Variants in TLN2 observed in about 807,000 individuals in gnomAD.
TLN2 encodes the protein talin 2.
TLN2 carries 118 observed loss-of-function variants against 294.7 expected under a neutral mutation model. The observed-to-expected ratio is 0.40, with a 90% confidence interval of 0.34 to 0.47. TLN2 has a LOEUF of 0.47. TLN2 is among the 20% of genes least tolerant of loss of function. The pLI is 0.84. For missense variants in TLN2, 3,083 were observed against 3,282.2 expected (o/e 0.94, Z 1.48); for synonymous variants, 1,431 against 1,304.5 (o/e 1.10, Z -2.09).
chr15:62,753,760 C>A lies in TLN2; in HGVS notation c.4333-13C>A. The stretch of plus-strand genomic sequence containing the variant: ...ACGGAGCCTGAGCTGTGGTTTTTCT[C>A]TTCCCTTTCTAGGCTGCATACTTGG... On this transcript the variant is annotated splice_polypyrimidine_tract_variant and intron_variant, in intron 35 of 58. Transcript: ENST00000636159. The A allele has an allele frequency of 6.3e-7, 1 of 1,594,254 alleles. No individual in the cohort carries two copies. The highest frequency in any genetic ancestry group is 1.1e-5 in the South Asian group (1 of 88,202).
chr15:62,430,686 C>G (rs1221275721), intron 1 of TLN2, among the ~76,000 whole-genome samples: 1 of 152,126 alleles, frequency 6.6e-6, no homozygotes, highest in Non-Finnish European at 1.5e-5. Flanking sequence ...TACTGGTACC[C>G]TGCATTGTGC....
At chr15:62,541,287 C>T (rs1413873895) in intron 1 of TLN2, among the ~76,000 whole-genome samples, 4 of 152,076 alleles carry the variant, frequency 2.6e-5, no homozygotes, top group Non-Finnish European at 5.9e-5. Context: ...AATGAGGTAA[C>T]ACAAGTAAAT....
At chr15:62,499,733 A>G (rs2140426737) in intron 1 of TLN2, among the ~76,000 whole-genome samples, 1 of 152,024 alleles carries the variant, frequency 6.6e-6, no homozygotes, top group African/African-American at 2.4e-5. Context: ...TCCCGAGAGT[A>G]GCTGAGATTA....
At chr15:62,595,051 C>T (rs1437818015) in intron 2 of TLN2, among the ~76,000 whole-genome samples, 1 of 152,196 alleles carries the variant, frequency 6.6e-6, no homozygotes, top group Non-Finnish European at 1.5e-5. Context: ...TACTCAACAT[C>T]ACTAATCATC....
chr15:62,664,857 CAAAAAAAA>C (rs10634187), intron 9 of TLN2, among the ~76,000 whole-genome samples: 2 of 29,212 alleles, frequency 6.8e-5, no homozygotes, highest in Non-Finnish European at 1.2e-4. Context: ...GAAACTGTCT[CAAAAAAAA>C]AAAAAAAAAA....
At chr15:62,655,884 T>C in intron 7 of TLN2, 60 bp from the exon 8 acceptor site, 3 of 1,594,634 alleles carry the variant, frequency 1.9e-6, no homozygotes, top group Non-Finnish European at 2.6e-6. Context: ...TTTTGGTAAA[T>C]TCCCTTTAAT....
chr15:62,588,402 C>G (rs774954914), intron 1 of TLN2, among the ~76,000 whole-genome samples: 3 of 151,206 alleles, frequency 2.0e-5, no homozygotes, highest in Non-Finnish European at 4.4e-5. Flanking sequence ...TTGGGAGAAC[C>G]AGGTGGATGG....
chr15:62,641,982 T>C (rs1315059729), intron 3 of TLN2, among the ~76,000 whole-genome samples: 1 of 152,230 alleles, frequency 6.6e-6, no homozygotes, highest in African/African-American at 2.4e-5. Flanking sequence ...ACTGCTGCCA[T>C]CATCCTGGGC....
chr15:62,535,774 C>T (rs1209445843), intron 1 of TLN2, among the ~76,000 whole-genome samples: 3 of 152,050 alleles, frequency 2.0e-5, no homozygotes, highest in Non-Finnish European at 4.4e-5. Context: ...AGGCTGGTCT[C>T]GAACTCCTGA....
Position 62,797,321 on chromosome 15 carries a change from C to T in TLN2, c.6153C>T (p.Ser2051=). The T allele has an allele frequency of 1.9e-6, 3 of 1,613,742 alleles. No individual in the cohort carries two copies. In the South Asian group the frequency reaches 3.3e-5, roughly 18 times the overall value. Residue 2051 remains serine, a synonymous_variant, in exon 48 of 59, where the codon TCC becomes TCT. Transcript: ENST00000636159. ...TPDKLAQAAQ[S]SAATITQLAE... is the part of the protein sequence containing the mutation. Reference sequence around the variant, plus strand: ...ACAAGCTGGCCCAGGCGGCCCAGTCCTCAGCAGCCACCATCACCCAGCTCG... The same window carrying T: ...ACAAGCTGGCCCAGGCGGCCCAGTCTTCAGCAGCCACCATCACCCAGCTCG...
At chr15:62,748,475 G>C in intron 33 of TLN2, 31 bp downstream of exon 33, 1 of 1,521,678 alleles carries the variant, frequency 6.6e-7, no homozygotes, top group East Asian at 2.2e-5. Flanking sequence ...CTGAGGACTT[G>C]AGAGAGGGAG....
chr15:62,397,851 C>T (rs2032685248), intron 1 of TLN2, among the ~76,000 whole-genome samples: 1 of 152,168 alleles, frequency 6.6e-6, no homozygotes, highest in South Asian at 2.1e-4. Flanking sequence ...GAGGGCTGGG[C>T]TGGTGTTTGA....
chr15:62,395,426 A>G (rs1468967316), intron 1 of TLN2, among the ~76,000 whole-genome samples: 3 of 152,116 alleles, frequency 2.0e-5, no homozygotes, highest in Admixed American at 1.3e-4. Flanking sequence ...CAATTGATAC[A>G]TCTTTTAAAA....
chr15:62,729,509 T>G (rs1029720400), intron 28 of TLN2, among the ~76,000 whole-genome samples: 3 of 151,472 alleles, frequency 2.0e-5, no homozygotes, highest in African/African-American at 7.3e-5. Flanking sequence ...TTTATTTAGG[T>G]CTTCTTTTCT....
intron 4 of TLN2, among the ~76,000 whole-genome samples, chr15:62,648,533 A>G (rs1159614520): frequency 6.9e-6 from 1 of 144,022 alleles, no homozygotes; most frequent in African/African-American, 2.6e-5. Context: ...AAACGTGATG[A>G]TGATGATGAC....
chr15:62,445,870 C>T (rs1041990890), intron 1 of TLN2, among the ~76,000 whole-genome samples: 3 of 152,080 alleles, frequency 2.0e-5, no homozygotes, highest in East Asian at 1.9e-4. Flanking sequence ...CACTGTGTTG[C>T]CTAGGCTGAT....
intron 1 of TLN2, among the ~76,000 whole-genome samples, chr15:62,582,581 T>C (rs1466663172): frequency 6.6e-6 from 1 of 152,092 alleles, no homozygotes; most frequent in African/African-American, 2.4e-5. Flanking sequence ...GGGGACGGCA[T>C]TGTAGACATG....
chr15:62,480,778 G>C (rs73426661), intron 1 of TLN2, among the ~76,000 whole-genome samples: 1,706 of 152,084 alleles, frequency 0.011, 28 homozygotes, highest in African/African-American at 0.038. Context: ...TTTTTTTGAA[G>C]AAGTCACAAT....
intron 1 of TLN2, among the ~76,000 whole-genome samples, chr15:62,516,170 T>A (rs574698547): frequency 4.3e-4 from 65 of 152,348 alleles, no homozygotes; most frequent in African/African-American, 1.5e-3. Context: ...TGCTGCCGTT[T>A]CCGTTGCAGC....
Sources: allele counts gnomAD v4.1 joint callset (sites outside exome capture counted in the v4.1 genomes callset), GRCh38; gene constraint gnomAD v4.1.1; transcripts MANE v1.5; gene names NCBI Gene and HGNC (gene_info 2026-07-23, HGNC 2026-07-21).